Variants in RIT2 observed in about 807,000 individuals in gnomAD.
RIT2 encodes Ras like without CAAX 2, also known as GTP-binding protein Rit2.
RIT2 carries 24 observed loss-of-function variants against 23.7 expected under a neutral mutation model. The observed-to-expected ratio is 1.01, with a 90% CI of 0.73 to 1.43. RIT2 has a LOEUF of 1.43. Among genes scored for constraint, RIT2 ranks in the 40% most tolerant of loss-of-function variants. The probability of loss-of-function intolerance (pLI) is 0.00; values close to 1 mark genes in which losing one functional copy is unlikely to be tolerated. For synonymous variants in RIT2, 107 were observed against 91.1 expected (o/e 1.17, Z -0.99); for missense variants, 236 against 266.9 (o/e 0.88, Z 0.81).
At chr18:42,815,982 C>G (rs1271642560) in intron 4 of RIT2, among the ~76,000 whole-genome samples, 1 of 152,126 alleles carries the variant, frequency 6.6e-6, no homozygotes, top group Non-Finnish European at 1.5e-5. Flanking sequence ...AAAGACTTGG[C>G]TTTCAGAATC....
At chr18:42,865,910 G>T (rs1169693445) in intron 4 of RIT2, among the ~76,000 whole-genome samples, 2 of 152,050 alleles carry the variant, frequency 1.3e-5, no homozygotes, top group Non-Finnish European at 2.9e-5. Flanking sequence ...TGCATCTTCT[G>T]CCTGGAATGT....
chr18:43,009,955 CAATT>C (rs1911314703), intron 2 of RIT2, among the ~76,000 whole-genome samples: 1 of 151,744 alleles, frequency 6.6e-6, no homozygotes, highest in African/African-American at 2.4e-5. Context: ...CCACTAGACT[CAATT>C]AACTCTCCCA....
intron 2 of RIT2, among the ~76,000 whole-genome samples, chr18:42,990,675 T>C (rs1910821293): frequency 6.6e-6 from 1 of 152,238 alleles, no homozygotes; most frequent in Admixed American, 6.5e-5. Flanking sequence ...TAATAAGTGG[T>C]CAATAAATTC....
intron 1 of RIT2, among the ~76,000 whole-genome samples, chr18:43,055,931 G>A (rs929410018): frequency 6.6e-6 from 1 of 152,056 alleles, no homozygotes; most frequent in Non-Finnish European, 1.5e-5. Context: ...AAGGTTACGG[G>A]TTAGCAATAG....
intron 4 of RIT2, among the ~76,000 whole-genome samples, chr18:42,873,213 T>C (rs1445795400): frequency 3.3e-5 from 5 of 152,200 alleles, no homozygotes; most frequent in Non-Finnish European, 5.9e-5. Flanking sequence ...ATATCCAATT[T>C]GTTTTTCCTT....
At chr18:42,797,079 C>T (rs72903079) in intron 4 of RIT2, among the ~76,000 whole-genome samples, 3,971 of 152,158 alleles carry the variant, frequency 0.026, 77 homozygotes, top group South Asian at 0.051. Flanking sequence ...ATAAAATAAA[C>T]AGTATCTACA....
chr18:42,966,430 G>C (rs1910225998), intron 3 of RIT2, among the ~76,000 whole-genome samples: 1 of 152,112 alleles, frequency 6.6e-6, no homozygotes, highest in Non-Finnish European at 1.5e-5. Context: ...CTTATGACAA[G>C]TATATGTATA....
At chr18:42,921,594 G>A (rs920014406) in intron 4 of RIT2, among the ~76,000 whole-genome samples, 5 of 152,090 alleles carry the variant, frequency 3.3e-5, no homozygotes, top group African/African-American at 9.7e-5. Context: ...AAAAGTAAAT[G>A]TCAGCCAGCT....
intron 4 of RIT2, among the ~76,000 whole-genome samples, chr18:42,753,451 C>A (rs1402159112): frequency 6.6e-6 from 1 of 152,148 alleles, no homozygotes; most frequent in Non-Finnish European, 1.5e-5. Flanking sequence ...GGGTCTGGCT[C>A]TTCCAACAGA....
At chr18:42,938,088 A>G (rs1193713906) in intron 3 of RIT2, among the ~76,000 whole-genome samples, 3 of 150,782 alleles carry the variant, frequency 2.0e-5, no homozygotes, top group African/African-American at 7.3e-5. Flanking sequence ...TAAAGAGGAA[A>G]TATGATATCT....
intron 4 of RIT2, among the ~76,000 whole-genome samples, chr18:42,866,608 T>C (rs1270258043): frequency 1.3e-5 from 2 of 150,044 alleles, no homozygotes; most frequent in South Asian, 2.1e-4. Flanking sequence ...TTAACCATGA[T>C]AATTATTTTA....
intron 1 of RIT2, among the ~76,000 whole-genome samples, chr18:43,078,914 A>G (rs1054592468): frequency 3.9e-5 from 6 of 152,200 alleles, no homozygotes; most frequent in South Asian, 2.1e-4. Flanking sequence ...AGGAGCAGGG[A>G]CACTGTAAAA....
intron 4 of RIT2, among the ~76,000 whole-genome samples, chr18:42,793,217 T>C (rs1245765957): frequency 6.6e-6 from 1 of 152,214 alleles, no homozygotes; most frequent in Non-Finnish European, 1.5e-5. Context: ...ATATGTAAAA[T>C]AAAATTTCAT....
chr18:42,873,902 A>C (rs145681115), intron 4 of RIT2, among the ~76,000 whole-genome samples: 48 of 152,282 alleles, frequency 3.2e-4, no homozygotes, highest in African/African-American at 1.2e-3. Flanking sequence ...CTGAACTGGG[A>C]ATCAGAGAAC....
intron 4 of RIT2, among the ~76,000 whole-genome samples, chr18:42,821,024 T>C (rs1291359491): frequency 6.6e-6 from 1 of 152,108 alleles, no homozygotes; most frequent in African/African-American, 2.4e-5. Context: ...ACACTCCTGC[T>C]GCCCCTTCAT....
chr18:42,992,343 G>A (rs1261510302), intron 2 of RIT2, among the ~76,000 whole-genome samples: 3 of 152,092 alleles, frequency 2.0e-5, no homozygotes, highest in Non-Finnish European at 4.4e-5. Flanking sequence ...AATAATTCTT[G>A]TCGTAAAATG....
chr18:42,981,285 A>G (rs1910592274), intron 2 of RIT2, among the ~76,000 whole-genome samples: 2 of 152,132 alleles, frequency 1.3e-5, no homozygotes, highest in African/African-American at 4.8e-5. Flanking sequence ...TGTCTTCCAG[A>G]GGTTGTATAT....
intron 1 of RIT2, among the ~76,000 whole-genome samples, chr18:43,065,804 A>C (rs577467120): frequency 3.9e-5 from 6 of 152,298 alleles, no homozygotes; most frequent in African/African-American, 1.4e-4. Flanking sequence ...GAGGGAAGAC[A>C]TGAACAATAA....
chr18:42,866,992 A>G (rs1251008914), intron 4 of RIT2, among the ~76,000 whole-genome samples: 1 of 152,184 alleles, frequency 6.6e-6, no homozygotes, highest in Non-Finnish European at 1.5e-5. Context: ...CAAAGTGAGT[A>G]AGCTTTAAAA....
Sources: gnomAD v4.1 joint callset for allele counts (sites outside exome capture counted in the v4.1 genomes callset) on GRCh38, gnomAD v4.1.1 for gene constraint, MANE v1.5 for transcripts, NCBI Gene and HGNC (gene_info 2026-07-23, HGNC 2026-07-21) for gene names.